KATNB1: variants seen among roughly 807,000 people sequenced by gnomAD.
KATNB1 encodes the protein katanin regulatory subunit B1.
KATNB1 carries 38 observed loss-of-function variants against 82.3 expected under a neutral mutation model. The observed-to-expected ratio is 0.46, with a 90% confidence interval of 0.36 to 0.61. The LOEUF is 0.61. Among genes scored for constraint, KATNB1 ranks in the 20% least tolerant of loss-of-function variants. The probability of loss-of-function intolerance (pLI) is 0.00; values close to 1 mark genes in which losing one functional copy is unlikely to be tolerated. For synonymous variants in KATNB1, 361 were observed against 368.7 expected (o/e 0.98, Z 0.24); for missense variants, 749 against 915.7 (o/e 0.82, Z 2.35).
In KATNB1 at chr16:57,753,091, C is replaced by G; in HGVS notation, c.870C>G (p.Phe290Leu). The G allele has an allele frequency of 6.2e-7, 1 of 1,604,542 alleles. No individual in the cohort carries two copies. The highest frequency in any genetic ancestry group is 1.1e-5 in the South Asian group (1 of 90,810). The change falls in exon 11 of 20, where the codon TTC becomes TTG. Residue 290 changes from phenylalanine to leucine, a missense_variant. Physicochemically the swap from Phe to Leu is conservative, Grantham distance 22 (BLOSUM62 0). Coordinates refer to ENST00000379661, the MANE Select transcript of KATNB1 (RefSeq NM_005886.3). The part of the protein sequence containing the change: ...ICNDQLIGVA[F>L]SQSNVSSYVV... ...GCTTTCTGCAGATAGGTGTGGCCTTCTCCCAGAGCAACGTCTCCTCCTACG... is the reference window on the plus strand; with the variant it reads ...GCTTTCTGCAGATAGGTGTGGCCTTGTCCCAGAGCAACGTCTCCTCCTACG...
In KATNB1 at chr16:57,751,919, T is replaced by C. The variant is rs1233142770; in HGVS notation, c.517-21T>C. 4.1e-5 allele frequency: 66 copies of C among 1,591,066 alleles called. No homozygotes were observed. Among genetic ancestry groups the C allele is most frequent in the Non-Finnish European group, 5.3e-5 (62 of 1,160,502 alleles). ...GCCAAGATGCCTGGTCACCCTGACC[T>C]CCTCCCTGCCCTGCCTCCAGCTCTG... On this transcript the variant is annotated intron_variant, in intron 7 of 19. Transcript: ENST00000379661. This position sits in a 1 kb window ranked among gnomAD's most constrained non-coding sequence, Gnocchi z 6.3.
chr16:57,754,758 G>A (rs1567903198), intron 13 of KATNB1, among the ~76,000 whole-genome samples, 172 bp from the exon 14 acceptor site: 1 of 152,172 alleles, frequency 6.6e-6, no homozygotes, highest in East Asian at 1.9e-4. Context: ...GAGGAGGCAG[G>A]TCCAGGCCTG....
At chr16:57,740,123 C>T (rs975728854) in intron 2 of KATNB1, among the ~76,000 whole-genome samples, 1 of 152,188 alleles carries the variant, frequency 6.6e-6, no homozygotes, top group Non-Finnish European at 1.5e-5. Context: ...AGGTTTCTGT[C>T]CCGACAGTGT....
intron 16 of KATNB1, 22 bp from the exon 17 acceptor site, chr16:57,755,818 CT>C: frequency 6.4e-7 from 1 of 1,568,010 alleles, no homozygotes; most frequent in Non-Finnish European, 8.7e-7. Context: ...TGCCCCACCC[CT>C]GACGGTGCTC....
At chr16:57,745,577 A>AG (rs1212124354) in intron 4 of KATNB1, among the ~76,000 whole-genome samples, 1 of 151,696 alleles carries the variant, frequency 6.6e-6, no homozygotes, top group Non-Finnish European at 1.5e-5. Context: ...AAAAAAAAAA[A>AG]AAGTTAACAC....
chr16:57,752,330 G>A, intron 8 of KATNB1, 200 bp from the exon 9 acceptor site: 1 of 634,084 alleles, frequency 1.6e-6, no homozygotes, highest in Non-Finnish European at 2.8e-6. Flanking sequence ...GGAGGCTCGT[G>A]GCTGTTGGGG....
At chr16:57,755,813 C>G in intron 16 of KATNB1, 28 bp from the exon 17 acceptor site, 3 of 1,562,244 alleles carry the variant, frequency 1.9e-6, no homozygotes, top group Non-Finnish European at 2.6e-6. Context: ...CCCACTGCCC[C>G]ACCCCTGACG....
chr16:57,756,307 T>C, intron 18 of KATNB1, 49 bp from the exon 19 acceptor site: 1 of 1,511,310 alleles, frequency 6.6e-7, no homozygotes, highest in Non-Finnish European at 9.2e-7. Context: ...TTTCTCTTTC[T>C]GTCTGTGGCC....
intron 2 of KATNB1, among the ~76,000 whole-genome samples, chr16:57,738,943 G>A (rs2923153): frequency 0.03 from 4,264 of 142,810 alleles, 332 homozygotes; most frequent in East Asian, 0.28. Context: ...CCTGTGCTTT[G>A]AATCAGTTAG....
chr16:57,753,906 C>T (rs782746642), intron 12 of KATNB1, 39 bp from the exon 13 acceptor site: 20 of 1,609,440 alleles, frequency 1.2e-5, no homozygotes, highest in Non-Finnish European at 1.6e-5. Flanking sequence ...GGTGGCCTGG[C>T]CAGGAGCGCT....
Position 57,755,113 on chromosome 16 carries a change from T to C in KATNB1, c.1297-6T>C, listed in dbSNP as rs781876126. The C allele has an allele frequency of 1.9e-6, 3 of 1,612,984 alleles. No individual in the cohort carries two copies. The highest frequency in any genetic ancestry group is 2.5e-6 in the Non-Finnish European group (3 of 1,179,862). On this transcript the variant is annotated splice_polypyrimidine_tract_variant and splice_region_variant and intron_variant, in intron 14 of 19. Coordinates refer to ENST00000379661, the MANE Select transcript of KATNB1 (RefSeq NM_005886.3). ...GGCCGGCAACCGCTGAGTTTCACAC[T>C]TTCAGCTGGAGGTCCTGCCCCGGCC... is the stretch of plus-strand genomic sequence containing the variant.
At chr16:57,739,917 C>T (rs1221867978) in intron 2 of KATNB1, among the ~76,000 whole-genome samples, 3 of 152,138 alleles carry the variant, frequency 2.0e-5, no homozygotes, top group South Asian at 2.1e-4. Context: ...GAGGTGGGGC[C>T]CAGCCAGACA....
intron 3 of KATNB1, among the ~76,000 whole-genome samples, chr16:57,742,787 A>G (rs13336241): frequency 0.14 from 20,873 of 152,226 alleles, 1,677 homozygotes; most frequent in African/African-American, 0.21. Context: ...ATCCTCAGCC[A>G]CCTAGATCCT....
intron 3 of KATNB1, 112 bp from the exon 4 acceptor site, chr16:57,744,282 C>G: frequency 3.3e-6 from 3 of 902,606 alleles, no homozygotes; most frequent in Non-Finnish European, 5.3e-6. Flanking sequence ...TGGGGCTCCC[C>G]CTCCTGCCTT....
At chr16:57,744,616 C>T in intron 4 of KATNB1, 105 bp downstream of exon 4, 9 of 955,512 alleles carry the variant, frequency 9.4e-6, no homozygotes, top group Non-Finnish European at 1.5e-5. Context: ...ACGTTGGCTG[C>T]TTTGCTCCTG....
chr16:57,752,102 C>A, intron 8 of KATNB1, 47 bp downstream of exon 8: 1 of 1,203,974 alleles, frequency 8.3e-7, no homozygotes, highest in East Asian at 2.4e-5. Flanking sequence ...CTGTCCTTCA[C>A]CGCCTTGTCC....
At chr16:57,746,108 G>A (rs1289146260) in intron 4 of KATNB1, among the ~76,000 whole-genome samples, 1 of 152,172 alleles carries the variant, frequency 6.6e-6, no homozygotes, top group Non-Finnish European at 1.5e-5. Flanking sequence ...GGAAGGCATA[G>A]TTTTGGAGAA....
chr16:57,756,572 A>C (rs2049286192), intron 19 of KATNB1, 100 bp downstream of exon 19: 1 of 1,248,094 alleles, frequency 8.0e-7, no homozygotes, highest in African/African-American at 1.5e-5. Context: ...CTGCTGGGAC[A>C]GAGTACAGAG....
intron 2 of KATNB1, among the ~76,000 whole-genome samples, chr16:57,739,650 G>T (rs1422532490): frequency 6.6e-6 from 1 of 152,164 alleles, no homozygotes; most frequent in Non-Finnish European, 1.5e-5. Context: ...CTGCCCCTCT[G>T]CCCTCCCTCT....
Sources: allele counts gnomAD v4.1 joint callset (sites outside exome capture counted in the v4.1 genomes callset), GRCh38; gene constraint gnomAD v4.1.1; non-coding constraint Gnocchi (gnomAD v3.1); transcripts MANE v1.5; gene names NCBI Gene and HGNC (gene_info 2026-07-23, HGNC 2026-07-21).